The following ADCY5 variants were observed in gnomAD, a reference collection of about 807,000 sequenced individuals.
ADCY5 encodes the protein adenylate cyclase type 5.
A neutral mutation model predicts 119.7 loss-of-function variants in ADCY5; 30 were observed. The ratio of observed to expected loss-of-function variants is 0.25; its 90% CI spans 0.19 to 0.34. The LOEUF is 0.34. ADCY5 is among the 10% of genes least tolerant of loss of function. The pLI is 1.00. For synonymous variants in ADCY5, 753 were observed against 762.2 expected, an observed-to-expected ratio of 0.99 and a Z score of 0.20; for missense variants, 1,324 against 1,775.2, an observed-to-expected ratio of 0.75 and a Z score of 4.57.
chr3:123,328,751 G>A lies in ADCY5; in HGVS notation c.1698C>T (p.His566=). ...GVNVNMRVGI[H]SGRVHCGVLG... The stretch of plus-strand genomic sequence containing the variant: ...GGACACCGCAGTGTACTCGCCCGCT[G>A]TGAATTCCCACACGCATGTTCACGT... Residue 566 remains histidine (H), a synonymous_variant, in exon 6 of 21, where the codon CAC becomes CAT. Transcript: ENST00000462833. 2 of 1,614,234 alleles carry A rather than the reference G, an allele frequency of 1.2e-6. No individual in the cohort carries two copies. The highest frequency in any genetic ancestry group is 1.7e-6 in the Non-Finnish European group (2 of 1,180,046).
In ADCY5 at chr3:123,393,794, C is replaced by T. The variant is rs117817849; in HGVS notation, c.1135-41213G>A. Among the ~76,000 whole-genome samples, 25 of 151,846 alleles carry T rather than the reference C, an allele frequency of 1.6e-4. No individual in the cohort carries two copies. In the East Asian group the frequency reaches 1.8e-3, roughly 11 times the overall value. On this transcript the variant is annotated intron_variant, in intron 1 of 20. Transcript: ENST00000462833. ...GGGCTGGCTTCCCCTCCCTCCCTCC[C>T]GCCCCGGCTGCTGAGGACCCTTCAG...
At chr3:123,381,665 T>C (rs528977259) in intron 1 of ADCY5, among the ~76,000 whole-genome samples, 29 of 152,324 alleles carry the variant, frequency 1.9e-4, no homozygotes, top group African/African-American at 6.5e-4. Flanking sequence ...TCATTTTGCA[T>C]AGGGTCCCAC....
intron 4 of ADCY5, among the ~76,000 whole-genome samples, chr3:123,331,338 G>C (rs1166314608): frequency 6.6e-6 from 1 of 152,222 alleles, no homozygotes; most frequent in African/African-American, 2.4e-5. Context: ...TCAGCCAGCA[G>C]GGTGGCCTTA....
intron 3 of ADCY5, among the ~76,000 whole-genome samples, chr3:123,340,052 G>T (rs1942204938): frequency 6.6e-6 from 1 of 152,184 alleles, no homozygotes; most frequent in African/African-American, 2.4e-5. Context: ...CACTTTGGGA[G>T]GCCAAGGCAG....
intron 1 of ADCY5, among the ~76,000 whole-genome samples, chr3:123,410,795 G>A (rs1216362761): frequency 6.6e-6 from 1 of 152,120 alleles, no homozygotes; most frequent in African/African-American, 2.4e-5. Flanking sequence ...CTACAGGCAT[G>A]TATCACCTTG....
intron 1 of ADCY5, among the ~76,000 whole-genome samples, chr3:123,385,202 C>T (rs560652381): frequency 6.6e-6 from 1 of 152,226 alleles, no homozygotes; most frequent in East Asian, 1.9e-4. Flanking sequence ...CTGCAGAGGC[C>T]ACCCTGGAGC....
chr3:123,431,035 C>T (rs1246684355), intron 1 of ADCY5, among the ~76,000 whole-genome samples: 1 of 152,162 alleles, frequency 6.6e-6, no homozygotes, highest in Non-Finnish European at 1.5e-5. Flanking sequence ...TAACAACAAA[C>T]GCATATGGGG....
intron 12 of ADCY5, among the ~76,000 whole-genome samples, chr3:123,313,640 C>T (rs774385588): frequency 3.3e-5 from 5 of 152,176 alleles, no homozygotes; most frequent in Middle Eastern, 3.2e-3. Flanking sequence ...TTGAGGGACA[C>T]GGCTGGACAG....
intron 13 of ADCY5, among the ~76,000 whole-genome samples, chr3:123,303,701 T>C (rs1320536287): frequency 6.6e-6 from 1 of 152,142 alleles, no homozygotes; most frequent in East Asian, 1.9e-4. Flanking sequence ...GGTGCACACC[T>C]GTAGTCCCAG....
At chr3:123,409,976 G>A (rs557125014) in intron 1 of ADCY5, among the ~76,000 whole-genome samples, 2 of 152,322 alleles carry the variant, frequency 1.3e-5, no homozygotes, top group South Asian at 4.1e-4. Flanking sequence ...CAGGGAAAGA[G>A]CAGTAATAAA....
At chr3:123,360,318 C>T (rs1390301066) in intron 1 of ADCY5, among the ~76,000 whole-genome samples, 1 of 152,068 alleles carries the variant, frequency 6.6e-6, no homozygotes, top group African/African-American at 2.4e-5. Context: ...GACAACATCG[C>T]CTTTCTCCTC....
chr3:123,355,242 C>T (rs1328846993), intron 1 of ADCY5, among the ~76,000 whole-genome samples: 1 of 152,126 alleles, frequency 6.6e-6, no homozygotes, highest in Admixed American at 6.5e-5. Context: ...AATTAATATG[C>T]AAGTTTAGAA....
In ADCY5 at chr3:123,352,666, A is replaced by T; in HGVS notation, c.1135-85T>A. 1.4e-6 allele frequency: 2 copies of T among 1,460,672 alleles called. No homozygotes were observed. Among genetic ancestry groups the T allele is most frequent in the Non-Finnish European group, 9.2e-7 (1 of 1,087,446 alleles). The allele number at this position is 1,460,672 out of a possible 1,614,324, so 90.5% of individuals were successfully genotyped here. On this transcript the variant is annotated intron_variant, in intron 1 of 20. Coordinates refer to ENST00000462833, the MANE Select transcript of ADCY5 (RefSeq NM_183357.3). The surrounding 1 kb of genome is among the most constrained non-coding windows in gnomAD (Gnocchi z 4.8). ...TGAAGCCCTCAGCCCCTGTCTCAGC[A>T]AACTCACACCTGGCGCTAGCAAACA...
intron 3 of ADCY5, among the ~76,000 whole-genome samples, chr3:123,340,022 G>A (rs1009869766): frequency 9.2e-5 from 14 of 152,166 alleles, no homozygotes; most frequent in Admixed American, 9.2e-4. Context: ...ACGCACAGTG[G>A]CTCATGCCTA....
At chr3:123,284,868 A>C in intron 20 of ADCY5, 132 bp from the exon 21 acceptor site, 1 of 1,229,758 alleles carries the variant, frequency 8.1e-7, no homozygotes, top group Middle Eastern at 2.0e-4. Context: ...CAGCTGCCCC[A>C]CTGAGGTGCT....
intron 1 of ADCY5, among the ~76,000 whole-genome samples, chr3:123,387,427 A>G (rs528390919): frequency 7.9e-5 from 12 of 152,350 alleles, no homozygotes; most frequent in African/African-American, 1.2e-4. Flanking sequence ...CAATCCAGCC[A>G]AATCCATTGA....
At chr3:123,334,394 A>G (rs555792343) in intron 3 of ADCY5, among the ~76,000 whole-genome samples, 48 of 152,334 alleles carry the variant, frequency 3.2e-4, no homozygotes, top group African/African-American at 1.2e-3. Flanking sequence ...TTGATGTTGA[A>G]CTAAACATAT....
intron 4 of ADCY5, 46 bp downstream of exon 4, chr3:123,332,518 A>G: frequency 6.9e-7 from 1 of 1,445,000 alleles, no homozygotes; most frequent in Non-Finnish European, 9.7e-7. Flanking sequence ...GCCTCCCTCA[A>G]CAGCCCAGGT....
At chr3:123,304,975 T>C (rs1242144162) in intron 12 of ADCY5, among the ~76,000 whole-genome samples, 1 of 152,088 alleles carries the variant, frequency 6.6e-6, no homozygotes, top group Non-Finnish European at 1.5e-5. Context: ...CAGGATGCCC[T>C]ACCCCTACCT....
Sources: allele counts gnomAD v4.1 joint callset (sites outside exome capture counted in the v4.1 genomes callset), GRCh38; gene constraint gnomAD v4.1.1; non-coding constraint Gnocchi (gnomAD v3.1); transcripts MANE v1.5; gene names NCBI Gene and HGNC (gene_info 2026-07-23, HGNC 2026-07-21).